Variants in LMF1 observed in about 807,000 individuals in gnomAD.
LMF1 encodes lipase maturation factor 1.
A neutral mutation model predicts 60.6 loss-of-function variants in LMF1; 68 were observed. The observed-to-expected ratio is 1.12, with a 90% CI of 0.92 to 1.37. The LOEUF (loss-of-function observed/expected upper bound fraction) is 1.37, where lower values mean the gene tolerates loss of function less well. LMF1 is among the 40% of genes most tolerant of loss of function. LMF1 has a pLI of 0.00. For missense variants in LMF1, 948 were observed against 767.2 expected, an observed-to-expected ratio of 1.24 and a Z score of -2.78; for synonymous variants, 418 against 324.7, an observed-to-expected ratio of 1.29 and a Z score of -3.09.
At chr16:934,075 A>T (rs2071869620) in intron 3 of LMF1, 169 bp downstream of exon 3, 1 of 1,519,520 alleles carries the variant, frequency 6.6e-7, no homozygotes, top group Middle Eastern at 1.8e-4. Flanking sequence ...ACATCCAGGG[A>T]GGAGGCACGG....
chr16:862,250 A>G (rs1370575331), intron 10 of LMF1, among the ~76,000 whole-genome samples: 3 of 149,760 alleles, frequency 2.0e-5, no homozygotes, highest in Non-Finnish European at 4.4e-5. Context: ...ATCTCTGCTT[A>G]CTGCAACCTC....
intron 8 of LMF1, 125 bp from the exon 9 acceptor site, chr16:870,191 G>T: frequency 9.0e-7 from 1 of 1,109,660 alleles, no homozygotes; most frequent in Non-Finnish European, 1.3e-6. Flanking sequence ...GCCTCCACCT[G>T]CCTCCTGGTC....
chr16:973,328 G>A (rs1321553814), upstream of LMF1, among the ~76,000 whole-genome samples: 1 of 152,218 alleles, frequency 6.6e-6, no homozygotes, highest in Non-Finnish European at 1.5e-5. Context: ...CTGGGCCACA[G>A]AGCGAGACTC....
chr16:874,358 G>T lies in LMF1; in HGVS notation c.898-3017C>A, dbSNP rs993502989. ...CAAGGAGCCCTTTGGGCAGGGCGGG[G>T]TGGGGTGGGGCCGGACAGCCCGCTG... On this transcript the variant is annotated intron_variant, in intron 6 of 10. Coordinates refer to ENST00000262301, the MANE Select transcript of LMF1 (RefSeq NM_022773.4). The surrounding 1 kb of genome is among the most constrained non-coding windows in gnomAD (Gnocchi z 4.1). Among the ~76,000 whole-genome samples, 1 of 151,936 alleles carries T rather than the reference G, an allele frequency of 6.6e-6. No individual in the cohort carries two copies. The highest frequency in any genetic ancestry group is 1.5e-5 in the Non-Finnish European group (1 of 67,904).
intron 10 of LMF1, among the ~76,000 whole-genome samples, chr16:857,629 C>T (rs1384341993): frequency 2.4e-5 from 1 of 42,076 alleles, no homozygotes; most frequent in East Asian, 6.8e-4. Flanking sequence ...TGTCACGGGA[C>T]GGGTGTGAGT....
chr16:950,058 G>A (rs2072400267), intron 2 of LMF1, among the ~76,000 whole-genome samples: 1 of 118,474 alleles, frequency 8.4e-6, no homozygotes, highest in Non-Finnish European at 1.7e-5. Flanking sequence ...CAACGACAGA[G>A]TCAGCCAACG....
intron 4 of LMF1, among the ~76,000 whole-genome samples, chr16:896,702 G>A (rs558050927): frequency 2.4e-4 from 37 of 152,264 alleles, no homozygotes; most frequent in African/African-American, 8.4e-4. Context: ...TGCTCCCCCC[G>A]CATGAGCACC....
rs1363772828 is a variant in LMF1 at position 950,143 on chromosome 16, G to C, written c.503+4214C>G. On this transcript the variant is annotated intron_variant, in intron 2 of 10. Coordinates refer to ENST00000262301, the MANE Select transcript of LMF1 (RefSeq NM_022773.4). Reference sequence around the variant, plus strand: ...CGAAAGACTCAGAGCCAATGACAGAGTCAGAGCCAATGACAGAGTCAGCCA... The same window carrying C: ...CGAAAGACTCAGAGCCAATGACAGACTCAGAGCCAATGACAGAGTCAGCCA... Among the ~76,000 whole-genome samples, 9 of 102,126 alleles carry C rather than the reference G, an allele frequency of 8.8e-5. 2 individuals carry two copies. 67.0% of individuals were successfully genotyped at this position (102,126 alleles called of 152,430 possible).
intron 3 of LMF1, among the ~76,000 whole-genome samples, chr16:924,867 G>A (rs181483051): frequency 2.6e-4 from 40 of 152,364 alleles, no homozygotes; most frequent in East Asian, 1.2e-3. Context: ...GATCTATGGC[G>A]GTTTAGGCAA....
rs1237215112 is a variant in LMF1 at position 874,241 on chromosome 16, CAG to C, written c.898-2902_898-2901del. ...AGGGCCGGTGAGCCCAGCTCTGGGA[CAG>C]AGCCTCAGGACAGCCGGCCTGTGTG... is the stretch of plus-strand genomic sequence containing the variant. On this transcript the variant is annotated intron_variant, in intron 6 of 10. Coordinates refer to ENST00000262301, the MANE Select transcript of LMF1 (RefSeq NM_022773.4). This position sits in a 1 kb window ranked among gnomAD's most constrained non-coding sequence, Gnocchi z 4.1. 6.6e-6 allele frequency among the ~76,000 whole-genome samples: 1 copy of C among 152,158 alleles called. No individual in the cohort carries two copies. The highest frequency in any genetic ancestry group is 6.5e-5 in the Admixed American group (1 of 15,278).
chr16:898,439 C>T (rs990778955), intron 4 of LMF1, among the ~76,000 whole-genome samples: 7 of 152,358 alleles, frequency 4.6e-5, no homozygotes, highest in African/African-American at 1.4e-4. Context: ...AAGGCCTGTT[C>T]TCAGAGGCTT....
At chr16:932,363 C>A (rs568038910) in intron 3 of LMF1, among the ~76,000 whole-genome samples, 18 of 152,332 alleles carry the variant, frequency 1.2e-4, no homozygotes, top group Admixed American at 5.2e-4. Context: ...AGCCGCTGCC[C>A]CCCGAGCCTG....
intron 1 of LMF1, among the ~76,000 whole-genome samples, chr16:966,854 G>A (rs561169891): frequency 6.6e-6 from 1 of 152,370 alleles, no homozygotes; most frequent in Admixed American, 6.5e-5. Flanking sequence ...AAAGTTCTCT[G>A]CAGTGAACTG....
At chr16:859,984 G>C (rs897979302) in intron 10 of LMF1, among the ~76,000 whole-genome samples, 2 of 151,190 alleles carry the variant, frequency 1.3e-5, no homozygotes, top group Non-Finnish European at 2.9e-5. Flanking sequence ...GTGTGCAGTG[G>C]TGTTATGGTG....
intron 3 of LMF1, among the ~76,000 whole-genome samples, chr16:929,178 G>C (rs2071697759): frequency 6.6e-6 from 1 of 152,172 alleles, no homozygotes; most frequent in Non-Finnish European, 1.5e-5. Flanking sequence ...GCCTGGGAGG[G>C]GCCAGAAAGC....
At chr16:911,321 C>T (rs113495890) in intron 3 of LMF1, among the ~76,000 whole-genome samples, 33 of 152,214 alleles carry the variant, frequency 2.2e-4, no homozygotes, top group South Asian at 6.2e-4. Flanking sequence ...CGGCACCCTT[C>T]GCCCTGGAGG....
intron 1 of LMF1, among the ~76,000 whole-genome samples, chr16:978,130 A>G (rs1567350851): frequency 7.0e-6 from 1 of 142,580 alleles, no homozygotes. Context: ...TACACACACC[A>G]CACCACACAC....
At chr16:889,688 G>T (rs1206882131) in intron 5 of LMF1, among the ~76,000 whole-genome samples, 1 of 152,186 alleles carries the variant, frequency 6.6e-6, no homozygotes, top group Middle Eastern at 3.2e-3. Context: ...CGCCCACAAT[G>T]CTGTGGGGCA....
chr16:964,252 C>CA (rs891777856), intron 1 of LMF1: 1 of 326,566 alleles, frequency 3.1e-6, no homozygotes, highest in African/African-American at 2.2e-5. Flanking sequence ...GAGGAGATTG[C>CA]ACCACTGCAC....
Sources: allele counts gnomAD v4.1 joint callset (sites outside exome capture counted in the v4.1 genomes callset), GRCh38; gene constraint gnomAD v4.1.1; non-coding constraint Gnocchi (gnomAD v3.1); transcripts MANE v1.5; gene names NCBI Gene and HGNC (gene_info 2026-07-23, HGNC 2026-07-21).